The following TIAM1 variants were observed in gnomAD, a reference collection of about 807,000 sequenced individuals.
The protein encoded by TIAM1 is rho guanine nucleotide exchange factor TIAM1.
A neutral mutation model predicts 163.5 loss-of-function variants in TIAM1; 65 were observed. That is an observed-to-expected ratio of 0.40 (90% CI 0.33 to 0.49). The LOEUF is 0.49. TIAM1 is among the 20% of genes least tolerant of loss of function. The probability of loss-of-function intolerance (pLI) is 0.77; values close to 1 mark genes in which losing one functional copy is unlikely to be tolerated. For missense variants in TIAM1, 1,789 were observed against 2,044.7 expected (o/e 0.87, Z 2.41); for synonymous variants, 833 against 810.1 (o/e 1.03, Z -0.48).
chr21:31,130,310 T>G lies in TIAM1; in HGVS notation c.3948A>C (p.Gly1316=). ...CCTCATAAATGGAAAGCCTGTGAGA[T>G]CCTACCTGCAGAGGAGAAGGAACCA... ...DGSKQKKKLV[G]SHRLSIYEDW... The change falls in exon 25 of 28, where the codon GGA becomes GGC. Residue 1316 remains glycine (G), a synonymous_variant. Transcript: ENST00000541036. 1 of 1,613,648 alleles carries G rather than the reference T, an allele frequency of 6.2e-7. No homozygotes were observed. The highest frequency in any genetic ancestry group is 1.1e-5 in the South Asian group (1 of 91,062).
intron 1 of TIAM1, among the ~76,000 whole-genome samples, chr21:31,496,598 T>C (rs940160695): frequency 6.6e-6 from 1 of 150,658 alleles, no homozygotes; most frequent in Non-Finnish European, 1.5e-5. Context: ...AGTAAGCTAC[T>C]GTTATTATTA....
intron 2 of TIAM1, among the ~76,000 whole-genome samples, chr21:31,453,939 A>G (rs78342875): frequency 1.3e-5 from 2 of 152,108 alleles, no homozygotes; most frequent in African/African-American, 2.4e-5. Context: ...CTCCCACTCC[A>G]GCACGAGCTG....
intron 8 of TIAM1, 76 bp from the exon 9 acceptor site, chr21:31,217,775 G>T: frequency 6.5e-7 from 1 of 1,530,476 alleles, no homozygotes; most frequent in Non-Finnish European, 8.8e-7. Context: ...GTCCCCGTAA[G>T]TCCCACCCTT....
intron 2 of TIAM1, among the ~76,000 whole-genome samples, chr21:31,380,493 A>G (rs1459044982): frequency 1.3e-5 from 2 of 152,218 alleles, no homozygotes. Context: ...CAGTGAGCTG[A>G]GATCACACCA....
intron 14 of TIAM1, among the ~76,000 whole-genome samples, chr21:31,183,923 A>G (rs2085156833): frequency 1.3e-5 from 2 of 150,068 alleles, no homozygotes. Flanking sequence ...TGCTGACCTC[A>G]GGTGATCCAA....
chr21:31,334,289 CTTTT>C (rs11323293), intron 2 of TIAM1, among the ~76,000 whole-genome samples: 2 of 144,902 alleles, frequency 1.4e-5, no homozygotes, highest in African/African-American at 2.5e-5. Flanking sequence ...ACCTCCCCGC[CTTTT>C]TTTTTTTTTG....
At chr21:31,248,356 A>G (rs2146731890) in intron 5 of TIAM1, among the ~76,000 whole-genome samples, 1 of 152,282 alleles carries the variant, frequency 6.6e-6, no homozygotes, top group Admixed American at 6.5e-5. Flanking sequence ...ATCATCCACA[A>G]CAAAGCACCA....
At chr21:31,168,385 C>T (rs1445873606) in intron 15 of TIAM1, among the ~76,000 whole-genome samples, 1 of 151,746 alleles carries the variant, frequency 6.6e-6, no homozygotes, top group African/African-American at 2.4e-5. Context: ...AGCCACCAGG[C>T]CCAGCCTGTT....
chr21:31,298,630 A>T (rs745920293), intron 2 of TIAM1, among the ~76,000 whole-genome samples: 4 of 152,060 alleles, frequency 2.6e-5, no homozygotes, highest in Non-Finnish European at 4.4e-5. Context: ...TAAAAGTACC[A>T]CACATAATAG....
Position 31,266,275 on chromosome 21 carries a change from C to T in TIAM1, c.698G>A (p.Gly233Asp). Residue 233 changes from glycine (G) to aspartate (D), a missense_variant, in exon 4 of 28, where the codon GGT becomes GAT. Around this residue, in one of 5 missense-constraint regions of TIAM1, gnomAD observed 555 missense variants for 564.9 expected, o/e 0.98. Transcript: ENST00000541036. Reference sequence around the variant, plus strand: ...AGAGTTTTTCTGAGCATACAAGTCACCCAAGGAATTGGCTCTCTGACAGGT... The same window carrying T: ...AGAGTTTTTCTGAGCATACAAGTCATCCAAGGAATTGGCTCTCTGACAGGT... Reference protein sequence around the residue: ...LSTCQRANSLGDLYAQKNSGV... With the variant: ...LSTCQRANSLDDLYAQKNSGV... 1 of 1,614,220 alleles carries T rather than the reference C, an allele frequency of 6.2e-7. No homozygotes were observed. The highest frequency in any genetic ancestry group is 8.5e-7 in the Non-Finnish European group (1 of 1,180,042).
At position 31,280,446 on chromosome 21, in the gene TIAM1, G is replaced by C. The variant is rs146457414; in HGVS notation, c.-188-3538C>G. Among the ~76,000 whole-genome samples, 573 of 152,104 alleles carry C rather than the reference G, an allele frequency of 3.8e-3. 2 individuals are homozygous for C. The highest frequency in any genetic ancestry group is 0.013 in the African/African-American group (546 of 41,564). On this transcript the variant is annotated intron_variant, in intron 2 of 27. Transcript: ENST00000541036. ...ATTGTGAGGCATCCCCAGCCACGTG[G>C]AACTGTGAGTCCAATTAAACCTCTT... is the stretch of plus-strand genomic sequence containing the variant.
chr21:31,126,602 G>C, intron 26 of TIAM1, among the ~76,000 whole-genome samples: 1 of 151,746 alleles, frequency 6.6e-6, no homozygotes, highest in East Asian at 1.9e-4. Context: ...ATAAATAAAA[G>C]CATGATTCAA....
At chr21:31,528,419 G>A (rs377764380) in intron 1 of TIAM1, among the ~76,000 whole-genome samples, 210 of 152,134 alleles carry the variant, frequency 1.4e-3, no homozygotes, top group African/African-American at 4.7e-3. Flanking sequence ...CTCAGGAGGC[G>A]GAGGCAGGAA....
intron 2 of TIAM1, among the ~76,000 whole-genome samples, chr21:31,286,689 G>A (rs1569164344): frequency 6.6e-6 from 1 of 152,156 alleles, no homozygotes; most frequent in Non-Finnish European, 1.5e-5. Context: ...CTCCACCCTA[G>A]GCAACAGAGA....
intron 20 of TIAM1, among the ~76,000 whole-genome samples, chr21:31,142,243 G>C (rs2082879564): frequency 6.6e-6 from 1 of 152,002 alleles, no homozygotes; most frequent in Non-Finnish European, 1.5e-5. Context: ...CCAAAATAAT[G>C]ATAAACCTAC....
intron 13 of TIAM1, among the ~76,000 whole-genome samples, chr21:31,190,092 G>A (rs2085482039): frequency 6.6e-6 from 1 of 152,112 alleles, no homozygotes; most frequent in Admixed American, 6.6e-5. Flanking sequence ...GGAGAACGAA[G>A]GAAGTGCTTA....
rs1259154661 is a variant in TIAM1 at position 31,141,893 on chromosome 21, T to TA, written c.3476-390dup. 6.6e-6 allele frequency among the ~76,000 whole-genome samples: 1 copy of TA among 152,120 alleles called. No individual in the cohort carries two copies. The highest frequency in any genetic ancestry group is 1.5e-5 in the Non-Finnish European group (1 of 68,030). ...CACGCTGGCCAGTTCCTGGAGATAG[T>TA]AAAAGACTTGCCAGGAAATGTGCCT... is the stretch of plus-strand genomic sequence containing the variant. On this transcript the variant is annotated intron_variant, in intron 20 of 27. Coordinates refer to ENST00000541036, the MANE Select transcript of TIAM1 (RefSeq NM_001353694.2). This position sits in a 1 kb window ranked among gnomAD's most constrained non-coding sequence, Gnocchi z 4.7.
intron 2 of TIAM1, among the ~76,000 whole-genome samples, chr21:31,336,132 T>C (rs1036972690): frequency 2.0e-5 from 3 of 152,132 alleles, no homozygotes; most frequent in Admixed American, 2.0e-4. Flanking sequence ...ACAGAATAAG[T>C]GAAGACAGAC....
chr21:31,199,485 C>CT (rs1312293050), intron 12 of TIAM1, among the ~76,000 whole-genome samples: 1 of 152,068 alleles, frequency 6.6e-6, no homozygotes, highest in African/African-American at 2.4e-5. Context: ...CATGGCCACC[C>CT]TCCCCCTGCC....
Sources: allele counts gnomAD v4.1 joint callset (sites outside exome capture counted in the v4.1 genomes callset), GRCh38; gene constraint gnomAD v4.1.1; regional missense constraint gnomAD v4.1.1; non-coding constraint Gnocchi (gnomAD v3.1); transcripts MANE v1.5; gene names NCBI Gene and HGNC (gene_info 2026-07-23, HGNC 2026-07-21).